The following COL11A1 variants were observed in gnomAD, a reference collection of about 807,000 sequenced individuals.
COL11A1 encodes the protein collagen alpha-1(XI) chain.
A neutral mutation model predicts 265.2 loss-of-function variants in COL11A1; 74 were observed. The ratio of observed to expected loss-of-function variants is 0.28; its 90% CI spans 0.23 to 0.34. The LOEUF (loss-of-function observed/expected upper bound fraction) is 0.34, where lower values mean the gene tolerates loss of function less well. COL11A1 is among the 10% of genes least tolerant of loss of function. The probability of loss-of-function intolerance (pLI) is 1.00; values close to 1 mark genes in which losing one functional copy is unlikely to be tolerated. For missense variants in COL11A1, 2,165 were observed against 2,263.6 expected, an observed-to-expected ratio of 0.96 and a Z score of 0.88; for synonymous variants, 816 against 727.6, an observed-to-expected ratio of 1.12 and a Z score of -1.96.
chr1:103,066,884 G>A (rs539050845), intron 4 of COL11A1, among the ~76,000 whole-genome samples: 3 of 151,998 alleles, frequency 2.0e-5, no homozygotes, highest in South Asian at 2.1e-4. Context: ...AAGAAAAGGA[G>A]TGGCCATTCT....
intron 43 of COL11A1, 52 bp downstream of exon 43, chr1:102,940,275 C>A: frequency 7.0e-7 from 1 of 1,438,162 alleles, no homozygotes; most frequent in South Asian, 1.1e-5. Flanking sequence ...GAATTCTTGA[C>A]AAAAATTAAG....
At chr1:103,006,737 C>G (rs1665662131) in intron 15 of COL11A1, among the ~76,000 whole-genome samples, 1 of 151,918 alleles carries the variant, frequency 6.6e-6, no homozygotes, top group African/African-American at 2.4e-5. Context: ...TGGGGTTTCA[C>G]CAGCATGGTC....
chr1:102,967,233 T>C, intron 37 of COL11A1, among the ~76,000 whole-genome samples: 1 of 64,988 alleles, frequency 1.5e-5, no homozygotes, highest in African/African-American at 5.8e-5. Flanking sequence ...AATTCTTTTT[T>C]TTTTTTTTTT....
intron 26 of COL11A1, 123 bp downstream of exon 26, chr1:102,996,952 CTAAGA>C (rs1395804745): frequency 1.3e-5 from 10 of 793,260 alleles, no homozygotes; most frequent in African/African-American, 1.0e-4. Context: ...TAAAAGTAGT[CTAAGA>C]TATCTTTTTT....
At chr1:102,881,127 T>A (rs1650189313) in intron 65 of COL11A1, among the ~76,000 whole-genome samples, 1 of 152,110 alleles carries the variant, frequency 6.6e-6, no homozygotes, top group African/African-American at 2.4e-5. Context: ...ATTCAATAAC[T>A]TCTAAATAAA....
intron 54 of COL11A1, among the ~76,000 whole-genome samples, chr1:102,900,708 A>C (rs1231582514): frequency 6.6e-6 from 1 of 152,168 alleles, no homozygotes; most frequent in Non-Finnish European, 1.5e-5. Context: ...AGAAGAGCCC[A>C]GAGAATTTTA....
intron 4 of COL11A1, among the ~76,000 whole-genome samples, chr1:103,064,258 T>C (rs1670900726): frequency 6.6e-6 from 1 of 152,174 alleles, no homozygotes; most frequent in South Asian, 2.1e-4. Context: ...CATAATTATC[T>C]AGTAGCTTTA....
intron 53 of COL11A1, among the ~76,000 whole-genome samples, chr1:102,913,148 C>G (rs1350042993): frequency 6.6e-6 from 1 of 152,132 alleles, no homozygotes. Context: ...AGTGAGTTCC[C>G]TCCCTTACTT....
chr1:102,960,440 G>T (rs1660785851), intron 41 of COL11A1, among the ~76,000 whole-genome samples: 1 of 150,896 alleles, frequency 6.6e-6, no homozygotes, highest in Non-Finnish European at 1.5e-5. Context: ...ATATTCCAAT[G>T]TAATTTCTAA....
chr1:102,934,420 T>C (rs780586931), intron 46 of COL11A1, 29 bp downstream of exon 46: 5 of 1,470,400 alleles, frequency 3.4e-6, no homozygotes, highest in African/African-American at 2.8e-5. Flanking sequence ...GTAGAAATGA[T>C]GGAGTAAACA....
chr1:102,901,319 T>TAA (rs35142040), intron 54 of COL11A1, among the ~76,000 whole-genome samples: 14,995 of 125,604 alleles, frequency 0.12, 1,088 homozygotes, highest in African/African-American at 0.21. Flanking sequence ...AAACTCTGTC[T>TAA]AAAAAAAAAA....
Position 102,945,247 on chromosome 1 carries a change from ACTCTCT to A in COL11A1, c.3276+1596_3276+1601del, listed in dbSNP as rs3056651. Among the ~76,000 whole-genome samples the A allele has an allele frequency of 5.0e-3, 644 of 129,222 alleles. 7 individuals are homozygous for A. Among genetic ancestry groups the A allele is most frequent in the African/African-American group, 0.016 (550 of 33,422 alleles). 84.8% of individuals were successfully genotyped at this position (129,222 alleles called of 152,430 possible). ...AACAAAGGGAATTTGTTTTCTTTTT[ACTCTCT>A]CTCTCTCTCTCTCTCTCTCTCTCTC... On this transcript the variant is annotated intron_variant, in intron 42 of 66. Coordinates refer to ENST00000370096, the MANE Select transcript of COL11A1 (RefSeq NM_001854.4).
intron 51 of COL11A1, 105 bp downstream of exon 51, chr1:102,914,599 T>C: frequency 4.0e-6 from 4 of 1,002,840 alleles, no homozygotes; most frequent in Middle Eastern, 5.9e-4. Flanking sequence ...AAAAGTCAGA[T>C]TTACCATCTA....
chr1:102,943,300 G>A (rs1658923314), intron 42 of COL11A1, among the ~76,000 whole-genome samples: 1 of 151,562 alleles, frequency 6.6e-6, no homozygotes, highest in Admixed American at 6.6e-5. Flanking sequence ...TTAATCTAAA[G>A]GTATAAATAC....
intron 4 of COL11A1, among the ~76,000 whole-genome samples, chr1:103,045,767 C>G (rs980350413): frequency 2.0e-5 from 3 of 147,332 alleles, no homozygotes; most frequent in South Asian, 4.4e-4. Flanking sequence ...ATCCCTCCCC[C>G]CTACCCCCAC....
At chr1:102,929,507 G>C (rs1367867757) in intron 46 of COL11A1, among the ~76,000 whole-genome samples, 5 of 152,130 alleles carry the variant, frequency 3.3e-5, no homozygotes, top group Non-Finnish European at 7.3e-5. Flanking sequence ...TTGTAGTATA[G>C]TTTGAAGTCA....
At chr1:102,894,182 T>A (rs1231472390) in intron 57 of COL11A1, among the ~76,000 whole-genome samples, 1 of 152,180 alleles carries the variant, frequency 6.6e-6, no homozygotes, top group Non-Finnish European at 1.5e-5. Flanking sequence ...GACTAAATCA[T>A]TTTAATTTTG....
chr1:102,973,293 T>A (rs1224368487), intron 36 of COL11A1, among the ~76,000 whole-genome samples: 1 of 152,176 alleles, frequency 6.6e-6, no homozygotes. Context: ...GCATTTATTA[T>A]GCTTCTGATA....
intron 62 of COL11A1, 99 bp from the exon 63 acceptor site, chr1:102,887,155 T>A: frequency 6.7e-7 from 1 of 1,489,358 alleles, no homozygotes; most frequent in South Asian, 1.1e-5. Context: ...GAAATTAGAG[T>A]TGGTTTAGCT....
Sources: allele counts gnomAD v4.1 joint callset (sites outside exome capture counted in the v4.1 genomes callset), GRCh38; gene constraint gnomAD v4.1.1; transcripts MANE v1.5; gene names NCBI Gene and HGNC (gene_info 2026-07-23, HGNC 2026-07-21).